Variants in SLAIN2 observed in about 807,000 individuals in gnomAD.
SLAIN2 encodes the protein SLAIN family member 2, also known as SLAIN motif-containing protein 2.
In SLAIN2, 31 loss-of-function variants were observed where a neutral mutation model predicts 56.6. The observed-to-expected ratio is 0.55, with a 90% CI of 0.41 to 0.74. SLAIN2 has a LOEUF of 0.74. SLAIN2 is among the 30% of genes least tolerant of loss of function. SLAIN2 has a pLI of 0.00. For synonymous variants in SLAIN2, 317 were observed against 284.9 expected (o/e 1.11, Z -1.13); for missense variants, 777 against 754.2 (o/e 1.03, Z -0.35).
chr4:48,343,555 C>T (rs1714782840), intron 1 of SLAIN2, among the ~76,000 whole-genome samples: 1 of 152,058 alleles, frequency 6.6e-6, no homozygotes, highest in South Asian at 2.1e-4. Flanking sequence ...CAGTGAATTA[C>T]CCAAAGAGTG....
chr4:48,386,929 T>C (rs1716116722), intron 6 of SLAIN2, among the ~76,000 whole-genome samples: 1 of 152,196 alleles, frequency 6.6e-6, no homozygotes, highest in African/African-American at 2.4e-5. Context: ...AAAACTTATG[T>C]ATATTATAAG....
At chr4:48,376,862 C>T (rs1211326561) in intron 2 of SLAIN2, among the ~76,000 whole-genome samples, 2 of 148,972 alleles carry the variant, frequency 1.3e-5, no homozygotes, top group Non-Finnish European at 3.0e-5. Context: ...CCGCCCGCCT[C>T]GGCCTCCCAA....
At chr4:48,392,464 T>TA (rs1170852662) in intron 6 of SLAIN2, among the ~76,000 whole-genome samples, 1 of 152,204 alleles carries the variant, frequency 6.6e-6, no homozygotes. Context: ...AACTTTTTTT[T>TA]AATGGTTAAC....
intron 1 of SLAIN2, among the ~76,000 whole-genome samples, chr4:48,366,453 C>G (rs1715522231): frequency 6.6e-6 from 1 of 152,130 alleles, no homozygotes; most frequent in Non-Finnish European, 1.5e-5. Context: ...CTTTTCAGTT[C>G]TATTACTGTT....
chr4:48,374,785 AT>A (rs1219202062), intron 2 of SLAIN2, among the ~76,000 whole-genome samples: 1 of 151,720 alleles, frequency 6.6e-6, no homozygotes, highest in East Asian at 1.9e-4. Flanking sequence ...ATAAAAGGGA[AT>A]GAACCAAATA....
rs1171963602 is a variant in SLAIN2, at chr4:48,342,055, C to G, written c.316C>G (p.Leu106Val). 1 of 1,390,218 alleles carries G rather than the reference C, an allele frequency of 7.2e-7. No homozygotes were observed. The highest frequency in any genetic ancestry group is 9.3e-7 in the Non-Finnish European group (1 of 1,080,338). 86.1% of individuals were successfully genotyped at this position (1,390,218 alleles called of 1,614,324 possible). A position where few individuals can be genotyped will look rare whatever the true frequency, so the allele number is the denominator to read the frequency against. Residue 106 changes from leucine (L) to valine (V), a missense_variant, in exon 1 of 8, where the codon CTG becomes GTG. By Grantham distance (32) the Leu-to-Val change is conservative. Coordinates refer to ENST00000264313, the MANE Select transcript of SLAIN2 (RefSeq NM_020846.2). ...GCTAGCGGCGGGCGAGGGCGGCTTG[C>G]TGGACGAGGTGGAGCCGCTGCGGCC... Reference protein sequence around the residue: ...SLLAAGEGGLLDEVEPLRPDE... With the variant: ...SLLAAGEGGLVDEVEPLRPDE...
Position 48,341,850 on chromosome 4 carries a change from C to A in SLAIN2, c.111C>A (p.Ala37=), listed in dbSNP as rs754706915. 11 of 1,522,624 alleles carry A rather than the reference C, an allele frequency of 7.2e-6. No individual in the cohort carries two copies. In the South Asian group the frequency reaches 1.3e-4, roughly 19 times the overall value. The allele number at this position is 1,522,624 out of a possible 1,614,324, so 94.3% of individuals were successfully genotyped here. ...AACAGCTGAGGAGCCGCTCGGGGGC[C>A]GTGCAGGGCGCCGGCTCCCTTGGGC... ...QNEQLRSRSG[A]VQGAGSLGPG... is the part of the protein sequence containing the mutation. Residue 37 remains alanine (A), a synonymous_variant, in exon 1 of 8, where the codon GCC becomes GCA. Transcript: ENST00000264313.
intron 1 of SLAIN2, among the ~76,000 whole-genome samples, chr4:48,363,812 C>T (rs1197266919): frequency 2.2e-5 from 3 of 139,304 alleles, no homozygotes; most frequent in Non-Finnish European, 3.2e-5. Context: ...CCCCGCATCT[C>T]CCTCCCGGAC....
intron 6 of SLAIN2, among the ~76,000 whole-genome samples, chr4:48,398,802 T>C (rs1435210477): frequency 1.3e-5 from 2 of 152,202 alleles, no homozygotes; most frequent in Non-Finnish European, 2.9e-5. Context: ...ATCAGATGGC[T>C]GTAGATGTGC....
At chr4:48,385,669 C>G (rs1468154621) in intron 6 of SLAIN2, among the ~76,000 whole-genome samples, 9 of 147,278 alleles carry the variant, frequency 6.1e-5, no homozygotes, top group Non-Finnish European at 1.2e-4. Context: ...GGGTTTCACT[C>G]TGTCACCAGG....
In SLAIN2 at chr4:48,420,226, A is replaced by G. The variant is rs754623862; in HGVS notation, c.1462A>G (p.Ser488Gly). 2 of 1,613,984 alleles carry G rather than the reference A, an allele frequency of 1.2e-6. No individual in the cohort carries two copies. The highest frequency in any genetic ancestry group is 2.2e-5 in the South Asian group (2 of 91,084). The change falls in exon 7 of 8, where the codon AGC (serine) becomes GGC (glycine). Residue 488 changes from serine (S) to glycine (G), a missense_variant. Ser to Gly is a moderately conservative substitution (Grantham distance 56). Transcript: ENST00000264313. ...TAACCATGGCTCTGGTTCTCCTGGTAGCCAAGAAATAACACAGCTCACACA... is the reference window on the plus strand; with the variant it reads ...TAACCATGGCTCTGGTTCTCCTGGTGGCCAAGAAATAACACAGCTCACACA... ...FSNHGSGSPG[S>G]QEITQLTQTT...
chr4:48,357,816 A>T (rs1715201205), intron 1 of SLAIN2, among the ~76,000 whole-genome samples: 1 of 152,060 alleles, frequency 6.6e-6, no homozygotes, highest in Non-Finnish European at 1.5e-5. Context: ...TGGCCTTCCA[A>T]AGTGCTGGGA....
At position 48,341,550 on chromosome 4, in the gene SLAIN2, G is replaced by A; in HGVS notation, c.-190G>A. 3 of 796,834 alleles carry A rather than the reference G, an allele frequency of 3.8e-6. No individual in the cohort carries two copies. Among genetic ancestry groups the A allele is most frequent in the Non-Finnish European group, 5.4e-6 (3 of 558,748 alleles). The allele number at this position is 796,834 out of a possible 1,614,324, so 49.4% of individuals were successfully genotyped here. ...CCCCAATCCCGGAGCCGGCGCAGAT[G>A]AGGCAGTTCGGCTGGGGCCAGCGGC... is the stretch of plus-strand genomic sequence containing the variant. On this transcript the variant is annotated 5_prime_UTR_variant, in exon 1 of 8. The change abolishes an upstream ATG in the 5' untranslated region. Coordinates refer to ENST00000264313, the MANE Select transcript of SLAIN2 (RefSeq NM_020846.2).
intron 1 of SLAIN2, among the ~76,000 whole-genome samples, chr4:48,363,739 C>T (rs1270664280): frequency 3.5e-4 from 30 of 86,544 alleles, no homozygotes; most frequent in African/African-American, 9.3e-4. Flanking sequence ...GCTGGCCAGG[C>T]GGGGGGCTGA....
chr4:48,370,494 AGT>A (rs1438522655), intron 2 of SLAIN2, among the ~76,000 whole-genome samples: 5 of 152,238 alleles, frequency 3.3e-5, no homozygotes, highest in Admixed American at 3.3e-4. Context: ...TTCAGGGTTA[AGT>A]GTTATGTGAA....
intron 1 of SLAIN2, among the ~76,000 whole-genome samples, chr4:48,367,350 TTACTGAA>T (rs1715547403): frequency 6.6e-6 from 1 of 152,244 alleles, no homozygotes; most frequent in Non-Finnish European, 1.5e-5. Flanking sequence ...TACCCAGGGC[TTACTGAA>T]TCATTGTCTC....
Position 48,341,559 on chromosome 4 carries a change from C to A in SLAIN2, c.-181C>A. ...CGGAGCCGGCGCAGATGAGGCAGTTCGGCTGGGGCCAGCGGCGCTTTGGAA... is the reference window on the plus strand; with the variant it reads ...CGGAGCCGGCGCAGATGAGGCAGTTAGGCTGGGGCCAGCGGCGCTTTGGAA... On this transcript the variant is annotated 5_prime_UTR_variant, in exon 1 of 8. Transcript: ENST00000264313. 2.2e-6 allele frequency: 2 copies of A among 922,792 alleles called. No individual in the cohort carries two copies. Among genetic ancestry groups the A allele is most frequent in the Non-Finnish European group, 3.0e-6 (2 of 668,818 alleles). The allele number at this position is 922,792 out of a possible 1,614,324, so 57.2% of individuals were successfully genotyped here. A position where few individuals can be genotyped will look rare whatever the true frequency, so the allele number is the denominator to read the frequency against.
In SLAIN2 at chr4:48,341,757, C is replaced by T; in HGVS notation, c.18C>T (p.Ser6=). The T allele has an allele frequency of 2.6e-6, 4 of 1,533,196 alleles. No homozygotes were observed. The highest frequency in any genetic ancestry group is 3.5e-6 in the Non-Finnish European group (4 of 1,140,016). 95.0% of individuals were successfully genotyped at this position (1,533,196 alleles called of 1,614,324 possible). MEDVN[S]NVNADQEVRK... ...GGGCCGGGATGGAGGACGTTAACTCCAACGTGAACGCGGACCAGGAGGTGC... is the reference window on the plus strand; with the variant it reads ...GGGCCGGGATGGAGGACGTTAACTCTAACGTGAACGCGGACCAGGAGGTGC... Residue 6 remains serine (S), a synonymous_variant, in exon 1 of 8, where the codon TCC becomes TCT. Transcript: ENST00000264313.
intron 1 of SLAIN2, among the ~76,000 whole-genome samples, chr4:48,353,016 T>C (rs1249409797): frequency 1.3e-5 from 2 of 152,188 alleles, no homozygotes; most frequent in Non-Finnish European, 2.9e-5. Flanking sequence ...CCTGCTGCAA[T>C]CCATGTAAGA....
Sources: allele counts gnomAD v4.1 joint callset (sites outside exome capture counted in the v4.1 genomes callset), GRCh38; gene constraint gnomAD v4.1.1; transcripts MANE v1.5; gene names NCBI Gene and HGNC (gene_info 2026-07-23, HGNC 2026-07-21).